Variants in ATF7IP2 observed in about 807,000 individuals in gnomAD.
ATF7IP2 encodes activating transcription factor 7 interacting protein 2.
Under a neutral mutation model 64.2 loss-of-function variants are expected in ATF7IP2, and 42 were observed. The ratio of observed to expected loss-of-function variants is 0.65; its 90% CI spans 0.51 to 0.85. The LOEUF is 0.85. Among genes scored for constraint, ATF7IP2 ranks in the 40% least tolerant of loss-of-function variants. The pLI is 0.00. For missense variants in ATF7IP2, 933 were observed against 784.2 expected, an observed-to-expected ratio of 1.19 and a Z score of -2.27; for synonymous variants, 308 against 272.8, an observed-to-expected ratio of 1.13 and a Z score of -1.27.
In ATF7IP2 at chr16:10,395,173, A is replaced by G. The variant is rs541572197; in HGVS notation, c.-242+9051A>G. Among the ~76,000 whole-genome samples the G allele has an allele frequency of 1.3e-4, 20 of 152,190 alleles. No individual in the cohort carries two copies. In the East Asian group the frequency reaches 3.9e-3, roughly 29 times the overall value. On this transcript the variant is annotated intron_variant, in intron 1 of 13. Transcript: ENST00000562102. The stretch of plus-strand genomic sequence containing the variant: ...CTTCCAGTAGTTAAAAAAAAAAATT[A>G]TAAGGGAATACTATAGAATAATTCC...
intron 1 of ATF7IP2, among the ~76,000 whole-genome samples, chr16:10,403,824 A>C (rs2047582023): frequency 6.6e-6 from 1 of 152,340 alleles, no homozygotes; most frequent in Non-Finnish European, 1.5e-5. Flanking sequence ...TTTGGAATGC[A>C]TTTGAAAGCC....
chr16:10,393,315 C>CAAAA (rs58879332), intron 1 of ATF7IP2, among the ~76,000 whole-genome samples: 9 of 77,160 alleles, frequency 1.2e-4, no homozygotes, highest in Non-Finnish European at 1.7e-4. Context: ...GACTCTGTCT[C>CAAAA]AAAAAAAAAA....
chr16:10,476,036 A>G (rs1325887787), intron 12 of ATF7IP2, among the ~76,000 whole-genome samples: 1 of 152,228 alleles, frequency 6.6e-6, no homozygotes, highest in East Asian at 1.9e-4. Context: ...GCCTTGAAAG[A>G]AGGAATATTA....
chr16:10,455,281 C>T (rs2049128824), intron 8 of ATF7IP2, among the ~76,000 whole-genome samples: 1 of 151,606 alleles, frequency 6.6e-6, no homozygotes, highest in Non-Finnish European at 1.5e-5. Context: ...AGGGTTCTTA[C>T]AAAAAAAGTG....
At chr16:10,390,653 G>C (rs1301540614) in intron 1 of ATF7IP2, among the ~76,000 whole-genome samples, 1 of 152,098 alleles carries the variant, frequency 6.6e-6, no homozygotes, top group Non-Finnish European at 1.5e-5. Flanking sequence ...GCCAGCCATG[G>C]AGGGACACAC....
At chr16:10,462,771 A>G (rs1425974110) in intron 9 of ATF7IP2, among the ~76,000 whole-genome samples, 1 of 151,972 alleles carries the variant, frequency 6.6e-6, no homozygotes, top group Non-Finnish European at 1.5e-5. Context: ...TCTTGACATT[A>G]TTGCTTCAGA....
At chr16:10,397,964 C>T (rs1157172168) in intron 1 of ATF7IP2, among the ~76,000 whole-genome samples, 1 of 151,454 alleles carries the variant, frequency 6.6e-6, no homozygotes. Flanking sequence ...TCAGTTAAAA[C>T]CACTATGAAA....
intron 9 of ATF7IP2, among the ~76,000 whole-genome samples, chr16:10,460,302 C>G (rs1206123207): frequency 6.6e-6 from 1 of 151,982 alleles, no homozygotes; most frequent in Admixed American, 6.6e-5. Flanking sequence ...ATGGTGTGGA[C>G]AAAGGAGTAT....
At chr16:10,480,560 C>T (rs567504274) in intron 12 of ATF7IP2, among the ~76,000 whole-genome samples, 3 of 151,414 alleles carry the variant, frequency 2.0e-5, no homozygotes, top group African/African-American at 7.3e-5. Context: ...TGTTTGTAGA[C>T]ATCTTTGTTG....
intron 1 of ATF7IP2, among the ~76,000 whole-genome samples, chr16:10,390,018 CTT>C (rs566213250): frequency 3.0e-4 from 46 of 152,326 alleles, no homozygotes; most frequent in Admixed American, 1.8e-3. Flanking sequence ...AAGTACCTGA[CTT>C]TGAACAAGAT....
intron 3 of ATF7IP2, among the ~76,000 whole-genome samples, chr16:10,421,659 T>G (rs1040438614): frequency 3.9e-5 from 6 of 152,176 alleles, no homozygotes; most frequent in Admixed American, 3.3e-4. Flanking sequence ...GAAATCAAAA[T>G]TTGCAAGTGA....
chr16:10,453,808 G>C (rs2049071201), intron 8 of ATF7IP2, among the ~76,000 whole-genome samples: 2 of 151,848 alleles, frequency 1.3e-5, no homozygotes, highest in Non-Finnish European at 2.9e-5. Flanking sequence ...GTAGAGACAG[G>C]GTTTCTCCAT....
chr16:10,461,772 G>A (rs751585296), intron 9 of ATF7IP2, among the ~76,000 whole-genome samples: 1 of 152,114 alleles, frequency 6.6e-6, no homozygotes, highest in South Asian at 2.1e-4. Context: ...CTGAAGTGCT[G>A]ATAATTTAAA....
At chr16:10,387,983 A>G (rs1268058569) in intron 1 of ATF7IP2, among the ~76,000 whole-genome samples, 3 of 151,672 alleles carry the variant, frequency 2.0e-5, no homozygotes, top group East Asian at 3.9e-4. Context: ...GCTCACTGCA[A>G]CCTCCTCCCT....
At chr16:10,408,671 T>G (rs1170684031) in intron 1 of ATF7IP2, among the ~76,000 whole-genome samples, 1 of 152,218 alleles carries the variant, frequency 6.6e-6, no homozygotes, top group Non-Finnish European at 1.5e-5. Context: ...GTTAGCCCAC[T>G]TTTTGATGGG....
chr16:10,443,122 G>C (rs1199802978), intron 8 of ATF7IP2, among the ~76,000 whole-genome samples: 1 of 152,158 alleles, frequency 6.6e-6, no homozygotes, highest in African/African-American at 2.4e-5. Flanking sequence ...ATTTGGCAGA[G>C]TGTCCAATAA....
chr16:10,431,393 G>C lies in ATF7IP2; in HGVS notation c.773G>C (p.Ser258Thr). 3.7e-6 allele frequency: 6 copies of C among 1,612,386 alleles called. No homozygotes were observed. The highest frequency in any genetic ancestry group is 5.1e-6 in the Non-Finnish European group (6 of 1,178,652). Residue 258 changes from serine to threonine, a missense_variant, in exon 5 of 14, where the codon AGT (serine) becomes ACT (threonine). By Grantham distance (58) the Ser-to-Thr change is moderately conservative. Coordinates refer to ENST00000562102, the MANE Select transcript of ATF7IP2 (RefSeq NM_001393719.1). ...ILKTDECSRTSISNCESADST... is the reference protein window; with the variant it reads ...ILKTDECSRTTISNCESADST... ...AAAACTGATGAGTGTAGTAGAACCAGTATTTCAAATTGTGAAAGTGCAGAC... is the reference window on the plus strand; with the variant it reads ...AAAACTGATGAGTGTAGTAGAACCACTATTTCAAATTGTGAAAGTGCAGAC...
chr16:10,389,545 C>A (rs980823469), intron 1 of ATF7IP2, among the ~76,000 whole-genome samples: 3 of 152,016 alleles, frequency 2.0e-5, no homozygotes, highest in Non-Finnish European at 2.9e-5. Flanking sequence ...TTCCAACCCA[C>A]CTCCAAAAAA....
chr16:10,387,347 C>G (rs746926436), intron 1 of ATF7IP2: 1 of 152,204 alleles, frequency 6.6e-6, no homozygotes, highest in Non-Finnish European at 1.5e-5. Flanking sequence ...AGTGTTGACT[C>G]CGATCTTAAT....
Sources: gnomAD v4.1 joint callset for allele counts (sites outside exome capture counted in the v4.1 genomes callset) on GRCh38, gnomAD v4.1.1 for gene constraint, MANE v1.5 for transcripts, NCBI Gene and HGNC (gene_info 2026-07-23, HGNC 2026-07-21) for gene names.